Variants in APBA2 observed in about 807,000 individuals in gnomAD.
APBA2 encodes amyloid-beta A4 precursor protein-binding family A member 2.
Under a neutral mutation model 75.0 loss-of-function variants are expected in APBA2, and 30 were observed. That is an observed-to-expected ratio of 0.40 (90% CI 0.30 to 0.54). The LOEUF is 0.54. Among genes scored for constraint, APBA2 ranks in the 20% least tolerant of loss-of-function variants. The pLI, the probability that APBA2 is intolerant of heterozygous loss-of-function variation, is 0.49. For missense variants in APBA2, 801 were observed against 1,016.1 expected (o/e 0.79, Z 2.88); for synonymous variants, 444 against 409.6 (o/e 1.08, Z -1.01).
At chr15:28,968,501 C>A (rs2036861285) in intron 2 of APBA2, among the ~76,000 whole-genome samples, 1 of 152,164 alleles carries the variant, frequency 6.6e-6, no homozygotes, top group Non-Finnish European at 1.5e-5. Flanking sequence ...TCCTCTCTCT[C>A]CTGCACATTG....
chr15:29,027,164 A>G (rs2040263486), intron 3 of APBA2, among the ~76,000 whole-genome samples: 1 of 152,220 alleles, frequency 6.6e-6, no homozygotes, highest in Non-Finnish European at 1.5e-5. Context: ...GTTTGTGCTT[A>G]TCCTTTCATA....
chr15:28,937,228 T>C (rs1160521803), intron 2 of APBA2, among the ~76,000 whole-genome samples: 1 of 152,150 alleles, frequency 6.6e-6, no homozygotes, highest in African/African-American at 2.4e-5. Flanking sequence ...CATGCTGAGC[T>C]AGGATTTGAG....
Position 28,941,739 on chromosome 15 carries a change from C to A in APBA2, c.-95+19990C>A, listed in dbSNP as rs1350325075. Among the ~76,000 whole-genome samples the A allele has an allele frequency of 2.4e-4, 36 of 152,072 alleles. 1 individual carries two copies. The highest frequency in any genetic ancestry group is 5.9e-5 in the Non-Finnish European group (4 of 68,032). On this transcript the variant is annotated intron_variant, in intron 2 of 14. Transcript: ENST00000683413. The stretch of plus-strand genomic sequence containing the variant: ...GAGGATTGTAAAGGTTGTTTCATAG[C>A]CGTTTTGTTTGTTTATTTATTTATT...
At chr15:29,036,610 C>G (rs1158048815) in intron 3 of APBA2, among the ~76,000 whole-genome samples, 1 of 152,176 alleles carries the variant, frequency 6.6e-6, no homozygotes, top group African/African-American at 2.4e-5. Context: ...AGGTGGCCTT[C>G]AAAGGAGGGG....
intron 3 of APBA2, 95 bp from the exon 4 acceptor site, chr15:29,053,750 A>G: frequency 1.4e-6 from 1 of 728,196 alleles, no homozygotes; most frequent in Non-Finnish European, 2.3e-6. Context: ...TGGCTGCGGG[A>G]GGACGTGGTG....
At chr15:29,106,100 T>C (rs2044388632) in intron 11 of APBA2, among the ~76,000 whole-genome samples, 1 of 152,262 alleles carries the variant, frequency 6.6e-6, no homozygotes, top group African/African-American at 2.4e-5. Context: ...TGCATGATCC[T>C]GGTTTCTTGC....
chr15:28,900,998 A>G (rs1482042276), intron 1 of APBA2, among the ~76,000 whole-genome samples: 1 of 152,122 alleles, frequency 6.6e-6, no homozygotes, highest in Non-Finnish European at 1.5e-5. Flanking sequence ...CTGCTCCAGG[A>G]AAGTGGTCAA....
At chr15:28,959,093 A>T (rs2036327421) in intron 2 of APBA2, among the ~76,000 whole-genome samples, 2 of 152,014 alleles carry the variant, frequency 1.3e-5, no homozygotes, top group South Asian at 4.1e-4. Context: ...GGTTAAAGCT[A>T]TTCTCCTGCC....
At chr15:28,975,188 G>A (rs1408808041) in intron 2 of APBA2, among the ~76,000 whole-genome samples, 2 of 151,992 alleles carry the variant, frequency 1.3e-5, no homozygotes, top group Non-Finnish European at 2.9e-5. Context: ...ATTGACCCCA[G>A]TAGACACAGA....
At chr15:28,994,346 T>C (rs2038394216) in intron 2 of APBA2, among the ~76,000 whole-genome samples, 1 of 152,148 alleles carries the variant, frequency 6.6e-6, no homozygotes, top group Non-Finnish European at 1.5e-5. Context: ...ACATGCTTTT[T>C]GTGTGGTGCT....
intron 3 of APBA2, among the ~76,000 whole-genome samples, chr15:29,023,070 G>A (rs2040030890): frequency 6.6e-6 from 1 of 152,024 alleles, no homozygotes; most frequent in South Asian, 2.1e-4. Context: ...CTTTTTCTTA[G>A]TCCTAATAAT....
At chr15:29,111,587 G>A (rs547786567) in intron 13 of APBA2, among the ~76,000 whole-genome samples, 8 of 152,234 alleles carry the variant, frequency 5.3e-5, no homozygotes, top group South Asian at 2.1e-4. Context: ...GCTGCCTGGC[G>A]GTAAACACCG....
intron 1 of APBA2, chr15:28,893,800 C>G (rs935579178): frequency 6.6e-6 from 1 of 152,152 alleles, no homozygotes; most frequent in African/African-American, 2.4e-5. Context: ...TATGTCTCTC[C>G]CTTGGGCTTT....
Position 29,113,822 on chromosome 15 carries a change from G to A in APBA2, c.2038-54G>A. On this transcript the variant is annotated intron_variant, in intron 13 of 14. Transcript: ENST00000683413. ...GTCCCATCTTTGGGGACGTGGTGGA[G>A]CGCCTGTCGGGTGTGGCGGGAACAC... 1.9e-6 allele frequency: 3 copies of A among 1,594,662 alleles called. No homozygotes were observed. The Admixed American group carries it at 5.0e-5, about 27-fold the overall frequency.
At chr15:29,047,848 G>T (rs931261433) in intron 3 of APBA2, among the ~76,000 whole-genome samples, 2 of 151,822 alleles carry the variant, frequency 1.3e-5, no homozygotes, top group Non-Finnish European at 2.9e-5. Flanking sequence ...TTTTTTTTCT[G>T]TATGCCAACA....
At chr15:29,095,322 G>A (rs1449175191) in intron 8 of APBA2, among the ~76,000 whole-genome samples, 3 of 151,912 alleles carry the variant, frequency 2.0e-5, no homozygotes, top group African/African-American at 7.3e-5. Flanking sequence ...CCAGATACTC[G>A]GGAGGCTGAG....
chr15:29,115,970 C>A (rs974574041), intron 14 of APBA2, among the ~76,000 whole-genome samples: 3 of 125,874 alleles, frequency 2.4e-5, no homozygotes, highest in Admixed American at 2.1e-4. Flanking sequence ...GTGCGAGGGC[C>A]CCCCATCCGG....
rs7177416 is a variant in APBA2, at chr15:29,108,457, G to A, written c.2037+68G>A. The A allele has an allele frequency of 7.8e-4, 1,251 of 1,610,530 alleles. 11 individuals are homozygous for A. The African/African-American group carries it at 0.012, about 16-fold the overall frequency. On this transcript the variant is annotated intron_variant, in intron 13 of 14. Transcript: ENST00000683413. ...GGCCCAGGGAGGGGGAGCAGCTCCC[G>A]TCCAATGGGGCAGGCTATGTCTGGC...
chr15:28,909,279 C>T (rs2033306472), intron 1 of APBA2, among the ~76,000 whole-genome samples: 2 of 152,146 alleles, frequency 1.3e-5, no homozygotes, highest in Non-Finnish European at 2.9e-5. Flanking sequence ...CTTGAGCCAC[C>T]GCGCCCAGCA....
Sources: allele counts gnomAD v4.1 joint callset (sites outside exome capture counted in the v4.1 genomes callset), GRCh38; gene constraint gnomAD v4.1.1; transcripts MANE v1.5; gene names NCBI Gene and HGNC (gene_info 2026-07-23, HGNC 2026-07-21).